Variants in RABGAP1L observed in about 807,000 individuals in gnomAD.
The protein encoded by RABGAP1L is RAB GTPase activating protein 1 like.
RABGAP1L carries 63 observed loss-of-function variants against 137.7 expected under a neutral mutation model. That is an observed-to-expected ratio of 0.46 (90% CI 0.37 to 0.56). The LOEUF (loss-of-function observed/expected upper bound fraction) is 0.56, where lower values mean the gene tolerates loss of function less well. RABGAP1L is among the 20% of genes least tolerant of loss of function. The pLI is 0.00. For synonymous variants in RABGAP1L, 431 were observed against 433.7 expected, an observed-to-expected ratio of 0.99 and a Z score of 0.08; for missense variants, 1,095 against 1,244.0, an observed-to-expected ratio of 0.88 and a Z score of 1.80.
At chr1:174,449,131 G>A in intron 13 of RABGAP1L, 1 of 1,611,888 alleles carries the variant, frequency 6.2e-7, no homozygotes, top group Non-Finnish European at 8.5e-7. Flanking sequence ...CATCCTGTAT[G>A]TGTGTGAAGG....
intron 13 of RABGAP1L, among the ~76,000 whole-genome samples, chr1:174,535,087 A>C (rs1664796267): frequency 6.6e-6 from 1 of 152,202 alleles, no homozygotes; most frequent in Non-Finnish European, 1.5e-5. Flanking sequence ...GTTCAACTTG[A>C]CACCATAAGG....
chr1:174,953,908 C>G (rs10737305), intron 19 of RABGAP1L, among the ~76,000 whole-genome samples: 79,765 of 151,972 alleles, frequency 0.52, 22,180 homozygotes, highest in African/African-American at 0.66. Context: ...AGGTACAAGG[C>G]AGTGTAGGGG....
chr1:174,224,721 T>C (rs1670031002), intron 3 of RABGAP1L, among the ~76,000 whole-genome samples: 1 of 152,186 alleles, frequency 6.6e-6, no homozygotes, highest in African/African-American at 2.4e-5. Context: ...ACCAGTCTAA[T>C]AATTTTGCTT....
intron 11 of RABGAP1L, among the ~76,000 whole-genome samples, chr1:174,317,848 G>A (rs2148817177): frequency 6.6e-6 from 1 of 152,246 alleles, no homozygotes; most frequent in Middle Eastern, 3.4e-3. Context: ...TTTGGCCAGG[G>A]CTGGTTTAAA....
At position 174,486,223 on chromosome 1, in the gene RABGAP1L, CTTTTTTTTT is replaced by C. The variant is rs201692363; in HGVS notation, c.1710+92086_1710+92094del. Among the ~76,000 whole-genome samples, 608 of 119,890 alleles carry C rather than the reference CTTTTTTTTT, an allele frequency of 5.1e-3. 3 individuals are homozygous for C. Among genetic ancestry groups the C allele is most frequent in the Middle Eastern group, 0.017 (4 of 232 alleles). The allele number at this position is 119,890 out of a possible 152,430, so 78.7% of individuals were successfully genotyped here. ...GATTCTATTTATTTGGTTCTTTTTT[CTTTTTTTTT>C]TTTTTTTGTCTGGCTAAATGTTTGT... is the stretch of plus-strand genomic sequence containing the variant. On this transcript the variant is annotated intron_variant, in intron 13 of 25. Transcript: ENST00000681986.
chr1:174,581,669 G>A (rs927593350), intron 13 of RABGAP1L, among the ~76,000 whole-genome samples: 2 of 151,970 alleles, frequency 1.3e-5, no homozygotes, highest in South Asian at 2.1e-4. Context: ...GGAATTGTAC[G>A]CTTTAAACGG....
chr1:174,401,966 T>C (rs61826865), intron 13 of RABGAP1L, among the ~76,000 whole-genome samples: 2 of 152,108 alleles, frequency 1.3e-5, no homozygotes, highest in Non-Finnish European at 2.9e-5. Context: ...AAGTTCAGTA[T>C]GACCCATGGG....
chr1:174,306,927 T>A (rs1447314953), intron 11 of RABGAP1L, among the ~76,000 whole-genome samples: 1 of 152,204 alleles, frequency 6.6e-6, no homozygotes, highest in Non-Finnish European at 1.5e-5. Flanking sequence ...GAAAAAAGCA[T>A]CTTAGAATTC....
chr1:174,914,944 TG>T (rs1162366677), intron 19 of RABGAP1L, among the ~76,000 whole-genome samples: 1 of 152,246 alleles, frequency 6.6e-6, no homozygotes, highest in Non-Finnish European at 1.5e-5. Context: ...CTTGGCATAA[TG>T]ATTTTGAGGT....
intron 3 of RABGAP1L, among the ~76,000 whole-genome samples, chr1:174,222,428 C>T (rs2148474303): frequency 6.6e-6 from 1 of 152,290 alleles, no homozygotes; most frequent in Admixed American, 6.5e-5. Flanking sequence ...CAGTGCCTTC[C>T]ATGGCAAGGA....
At position 174,865,683 on chromosome 1, in the gene RABGAP1L, C is replaced by T. The variant is rs565854520; in HGVS notation, c.2340+53723C>T. 4.6e-5 allele frequency among the ~76,000 whole-genome samples: 7 copies of T among 152,180 alleles called. No individual in the cohort carries two copies. The South Asian group carries it at 1.5e-3, about 32-fold the overall frequency. ...AGGCACAGTAACTTGTGCCTGTGGT[C>T]CCACCCACTCGGGAGCTGCGGTGAG... On this transcript the variant is annotated intron_variant, in intron 19 of 25. Coordinates refer to ENST00000681986, the MANE Select transcript of RABGAP1L (RefSeq NM_001366446.1).
At chr1:174,403,461 T>C (rs1648888666) in intron 13 of RABGAP1L, among the ~76,000 whole-genome samples, 1 of 152,092 alleles carries the variant, frequency 6.6e-6, no homozygotes, top group Non-Finnish European at 1.5e-5. Context: ...TCTTGGAACA[T>C]TGTCCCAACA....
intron 18 of RABGAP1L, among the ~76,000 whole-genome samples, chr1:174,803,279 C>A (rs1459840129): frequency 1.3e-5 from 2 of 152,190 alleles, no homozygotes; most frequent in Non-Finnish European, 2.9e-5. Flanking sequence ...TGCTTGTTAC[C>A]CTTCAAAGGT....
At chr1:174,584,286 CAT>C (rs1458428890) in intron 13 of RABGAP1L, among the ~76,000 whole-genome samples, 1 of 152,178 alleles carries the variant, frequency 6.6e-6, no homozygotes, top group Non-Finnish European at 1.5e-5. Flanking sequence ...TCTGTACAAT[CAT>C]ATGTGGAGTT....
intron 13 of RABGAP1L, among the ~76,000 whole-genome samples, chr1:174,599,823 G>C (rs1670277122): frequency 6.6e-6 from 1 of 152,062 alleles, no homozygotes; most frequent in Admixed American, 6.6e-5. Context: ...GGTTAAATCT[G>C]CTTGGTGTTT....
At chr1:174,682,474 A>C (rs1183011392) in intron 14 of RABGAP1L, among the ~76,000 whole-genome samples, 1 of 146,938 alleles carries the variant, frequency 6.8e-6, no homozygotes, top group African/African-American at 2.6e-5. Context: ...AAAAAAAAAA[A>C]GTCCTGTCCC....
chr1:174,580,530 G>T (rs761449273), intron 13 of RABGAP1L, among the ~76,000 whole-genome samples: 1 of 151,840 alleles, frequency 6.6e-6, no homozygotes, highest in Non-Finnish European at 1.5e-5. Context: ...CTATCACAAG[G>T]ACAAAATCTA....
At chr1:174,890,373 G>A (rs1252681626) in intron 19 of RABGAP1L, among the ~76,000 whole-genome samples, 1 of 152,130 alleles carries the variant, frequency 6.6e-6, no homozygotes, top group Non-Finnish European at 1.5e-5. Flanking sequence ...TTCCTTGTGG[G>A]TTGTTTTATT....
chr1:174,667,990 T>TGTA (rs1043461910), intron 14 of RABGAP1L, among the ~76,000 whole-genome samples: 20 of 152,206 alleles, frequency 1.3e-4, no homozygotes, highest in African/African-American at 4.8e-4. Flanking sequence ...AAAAGTAGTC[T>TGTA]GTAGTCCAGA....
Sources: allele counts gnomAD v4.1 joint callset (sites outside exome capture counted in the v4.1 genomes callset), GRCh38; gene constraint gnomAD v4.1.1; transcripts MANE v1.5; gene names NCBI Gene and HGNC (gene_info 2026-07-23, HGNC 2026-07-21).